The following SLIT2 variants were observed in gnomAD, a reference collection of about 807,000 sequenced individuals.
The protein encoded by SLIT2 is slit homolog 2 protein.
A neutral mutation model predicts 185.7 loss-of-function variants in SLIT2; 41 were observed. The ratio of observed to expected loss-of-function variants is 0.22; its 90% CI spans 0.17 to 0.29. SLIT2 has a LOEUF of 0.29. Among genes scored for constraint, SLIT2 ranks in the 10% least tolerant of loss-of-function variants. SLIT2 has a pLI of 1.00. For missense variants in SLIT2, 1,571 were observed against 1,909.0 expected, an observed-to-expected ratio of 0.82 and a Z score of 3.30; for synonymous variants, 693 against 680.2, an observed-to-expected ratio of 1.02 and a Z score of -0.29.
rs929541732 is a variant in SLIT2, at chr4:20,254,304, GC to G, written c.179+313del. 2.0e-5 allele frequency among the ~76,000 whole-genome samples: 3 copies of G among 152,182 alleles called. No individual in the cohort carries two copies. The highest frequency in any genetic ancestry group is 4.4e-5 in the Non-Finnish European group (3 of 68,026). On this transcript the variant is annotated intron_variant, in intron 1 of 36. Coordinates refer to ENST00000504154, the MANE Select transcript of SLIT2 (RefSeq NM_004787.4). The surrounding 1 kb of genome is among the most constrained non-coding windows in gnomAD (Gnocchi z 5.1). ...AGATAGGGGACAAGTACTGGAGGAT[GC>G]CCGGGGCAAGTGAGACGCCACTTTG...
At chr4:20,291,198 T>G (rs887579731) in intron 4 of SLIT2, among the ~76,000 whole-genome samples, 1 of 152,068 alleles carries the variant, frequency 6.6e-6, no homozygotes, top group African/African-American at 2.4e-5. Context: ...TGTCTTGCAC[T>G]TGTGTGATGT....
chr4:20,405,918 C>CTGTCCTATCAACAATGAAATACAAAAA (rs1553895950), intron 4 of SLIT2, among the ~76,000 whole-genome samples: 5 of 146,750 alleles, frequency 3.4e-5, no homozygotes, highest in Admixed American at 6.9e-5. Context: ...TATTCACAAA[C>CTGTCCTATCAACAATGAAATACAAAAA]ATTACCTTGG....
intron 9 of SLIT2, among the ~76,000 whole-genome samples, chr4:20,493,408 T>C (rs1332547192): frequency 1.3e-5 from 2 of 152,214 alleles, no homozygotes; most frequent in Admixed American, 6.5e-5. Flanking sequence ...CAAACATTTA[T>C]TAAGTGACTA....
chr4:20,533,858 A>T, intron 18 of SLIT2, 143 bp downstream of exon 18: 1 of 676,896 alleles, frequency 1.5e-6, no homozygotes, highest in Non-Finnish European at 2.6e-6. Flanking sequence ...ACACACATAC[A>T]CACCGCTACA....
chr4:20,407,189 T>C (rs1196058535), intron 4 of SLIT2, among the ~76,000 whole-genome samples: 2 of 152,148 alleles, frequency 1.3e-5, no homozygotes, highest in Non-Finnish European at 2.9e-5. Flanking sequence ...GCTAGTAATG[T>C]TTTGTTTTCT....
chr4:20,465,723 G>T (rs541949567), intron 4 of SLIT2, among the ~76,000 whole-genome samples: 108 of 152,298 alleles, frequency 7.1e-4, no homozygotes, highest in Non-Finnish European at 1.3e-3. Flanking sequence ...CATTCTGACT[G>T]TGCATTTCAC....
At chr4:20,303,734 A>G (rs1220015254) in intron 4 of SLIT2, among the ~76,000 whole-genome samples, 1 of 152,222 alleles carries the variant, frequency 6.6e-6, no homozygotes, top group Non-Finnish European at 1.5e-5. Flanking sequence ...CTTTCTGTCT[A>G]TGTGGGTGCC....
intron 4 of SLIT2, among the ~76,000 whole-genome samples, chr4:20,451,387 A>T (rs369194158): frequency 5.9e-5 from 9 of 152,210 alleles, no homozygotes; most frequent in African/African-American, 1.4e-4. Context: ...TCCTTAAAGG[A>T]TGTCTCCTTT....
At chr4:20,544,110 A>G (rs1355674020) in intron 21 of SLIT2, among the ~76,000 whole-genome samples, 1 of 152,146 alleles carries the variant, frequency 6.6e-6, no homozygotes, top group African/African-American at 2.4e-5. Context: ...CCAGCATGGC[A>G]CATGTATACA....
chr4:20,309,070 A>T (rs940821793), intron 4 of SLIT2, among the ~76,000 whole-genome samples: 1 of 152,108 alleles, frequency 6.6e-6, no homozygotes, highest in Non-Finnish European at 1.5e-5. Flanking sequence ...ATTATAAATG[A>T]TATGATTCTC....
At chr4:20,549,748 AATAT>A (rs936343906) in intron 24 of SLIT2, among the ~76,000 whole-genome samples, 6 of 151,602 alleles carry the variant, frequency 4.0e-5, no homozygotes, top group African/African-American at 1.2e-4. Context: ...TATGAATAAA[AATAT>A]ATATATAAGA....
intron 4 of SLIT2, among the ~76,000 whole-genome samples, chr4:20,304,782 C>G (rs991189916): frequency 3.9e-5 from 6 of 152,148 alleles, no homozygotes; most frequent in Non-Finnish European, 7.4e-5. Context: ...CCCCACCATA[C>G]CATACAAAAC....
chr4:20,490,666 A>G (rs1373740277), intron 8 of SLIT2: 1 of 621,640 alleles, frequency 1.6e-6, no homozygotes, highest in Non-Finnish European at 2.8e-6. Flanking sequence ...TTATAACCTA[A>G]GAAAAATTTT....
intron 4 of SLIT2, among the ~76,000 whole-genome samples, chr4:20,324,647 G>A (rs1021372723): frequency 1.3e-5 from 2 of 152,132 alleles, no homozygotes; most frequent in African/African-American, 4.8e-5. Context: ...TCTCATCACA[G>A]AATAACTATG....
chr4:20,405,028 A>C (rs1417735623), intron 4 of SLIT2, among the ~76,000 whole-genome samples: 1 of 151,610 alleles, frequency 6.6e-6, no homozygotes, highest in African/African-American at 2.4e-5. Flanking sequence ...TGAGGGAGAA[A>C]GACTCTTCTT....
intron 4 of SLIT2, among the ~76,000 whole-genome samples, chr4:20,313,617 C>A (rs551313130): frequency 5.3e-5 from 8 of 152,086 alleles, no homozygotes; most frequent in African/African-American, 1.9e-4. Flanking sequence ...TGTGTTAAAG[C>A]GGTGGTCCCC....
intron 34 of SLIT2, among the ~76,000 whole-genome samples, chr4:20,613,103 A>G (rs373789995): frequency 9.9e-5 from 15 of 152,118 alleles, no homozygotes; most frequent in African/African-American, 2.4e-4. Flanking sequence ...GGCGATTCCT[A>G]AAGACCTAAA....
intron 17 of SLIT2, among the ~76,000 whole-genome samples, chr4:20,532,688 G>A (rs1488690178): frequency 1.3e-5 from 2 of 152,134 alleles, no homozygotes; most frequent in Admixed American, 1.3e-4. Flanking sequence ...TTAGCTGTGT[G>A]TCCATATATG....
At chr4:20,349,584 A>C (rs1721702516) in intron 4 of SLIT2, among the ~76,000 whole-genome samples, 1 of 152,346 alleles carries the variant, frequency 6.6e-6, no homozygotes, top group South Asian at 2.1e-4. Flanking sequence ...TTTTGATGTG[A>C]ACTTCAATAA....
Sources: allele counts gnomAD v4.1 joint callset (sites outside exome capture counted in the v4.1 genomes callset), GRCh38; gene constraint gnomAD v4.1.1; non-coding constraint Gnocchi (gnomAD v3.1); transcripts MANE v1.5; gene names NCBI Gene and HGNC (gene_info 2026-07-23, HGNC 2026-07-21).